Variants in LINGO2 observed in about 807,000 individuals in gnomAD.
LINGO2 encodes leucine rich repeat and Ig domain containing 2, also known as leucine-rich repeat and immunoglobulin-like domain-containing nogo receptor-interacting protein 2.
A neutral mutation model predicts 30.6 loss-of-function variants in LINGO2; 14 were observed. The ratio of observed to expected loss-of-function variants is 0.46; its 90% CI spans 0.30 to 0.72. The LOEUF is 0.72. LINGO2 is among the 30% of genes least tolerant of loss of function. The probability of loss-of-function intolerance (pLI) is 0.07; values close to 1 mark genes in which losing one functional copy is unlikely to be tolerated. For synonymous variants in LINGO2, 317 were observed against 288.5 expected, an observed-to-expected ratio of 1.10 and a Z score of -1.00; for missense variants, 729 against 751.7, an observed-to-expected ratio of 0.97 and a Z score of 0.35.
chr9:28,974,107 T>A, the LINGO2 span, among the ~76,000 whole-genome samples: 1 of 152,116 alleles, frequency 6.6e-6, no homozygotes, highest in Non-Finnish European at 1.5e-5. Flanking sequence ...ATATAGGCAG[T>A]ACAACAATAT....
At chr9:28,677,986 T>C in the LINGO2 span, among the ~76,000 whole-genome samples, 1 of 151,894 alleles carries the variant, frequency 6.6e-6, no homozygotes, top group Admixed American at 6.6e-5. Context: ...TCCAAGCTGT[T>C]ACCTTTCTCC....
rs75405570 is a variant in LINGO2 at position 28,380,957 on chromosome 9, C to T, written c.-278-8089G>A. ...GGCTGGGTATAACTACGGGCTTGCC[C>T]TTGAGTATGTATTTCTTTCTCAGGT... is the stretch of plus-strand genomic sequence containing the variant. On this transcript the variant is annotated intron_variant, in intron 2 of 5. Transcript: ENST00000379992. Among the ~76,000 whole-genome samples, 3 of 152,112 alleles carry T rather than the reference C, an allele frequency of 2.0e-5. No homozygotes were observed. In the East Asian group the frequency reaches 5.8e-4, roughly 30 times the overall value.
rs115405813 is a variant in LINGO2 at position 28,619,160 on chromosome 9, G to A, written c.-365+51040C>T. ...ATATAGGGGTTTTATATGGGCTAGT[G>A]AATGAATTATTGAATGAATGATGTT... On this transcript the variant is annotated intron_variant, in intron 1 of 5. Coordinates refer to ENST00000379992, the Ensembl canonical transcript of LINGO2. Among the ~76,000 whole-genome samples, 879 of 152,224 alleles carry A rather than the reference G, an allele frequency of 5.8e-3. 8 individuals are homozygous for A. The highest frequency in any genetic ancestry group is 0.016 in the African/African-American group (655 of 41,564).
intron 5 of LINGO2, among the ~76,000 whole-genome samples, chr9:28,012,120 C>T (rs1056071172): frequency 2.6e-5 from 4 of 152,150 alleles, no homozygotes; most frequent in African/African-American, 9.7e-5. Flanking sequence ...TAAAAGGAAA[C>T]AAGTCTCCTC....
chr9:29,098,455 A>ACACACACACATATGCG, the LINGO2 span, among the ~76,000 whole-genome samples: 2 of 150,474 alleles, frequency 1.3e-5, no homozygotes, highest in African/African-American at 4.9e-5. Context: ...GGATACACAC[A>ACACACACACATATGCG]CACACACACA....
At chr9:29,065,794 C>G in the LINGO2 span, among the ~76,000 whole-genome samples, 1 of 151,686 alleles carries the variant, frequency 6.6e-6, no homozygotes, top group African/African-American at 2.4e-5. Flanking sequence ...CGGAAATTCC[C>G]TTGAAAGAAA....
chr9:28,763,948 T>A, the LINGO2 span, among the ~76,000 whole-genome samples: 1 of 151,490 alleles, frequency 6.6e-6, no homozygotes, highest in Non-Finnish European at 1.5e-5. Flanking sequence ...CCTAGAAACA[T>A]AACCTGCTGA....
chr9:28,205,396 T>C (rs188326013), intron 4 of LINGO2, among the ~76,000 whole-genome samples: 14 of 152,298 alleles, frequency 9.2e-5, no homozygotes, highest in Admixed American at 9.2e-4. Context: ...TTCCCAGAGA[T>C]GCCTTCCCCG....
upstream of LINGO2, chr9:28,670,419 G>C (rs1339484008): frequency 1.3e-5 from 2 of 151,974 alleles, no homozygotes; most frequent in Non-Finnish European, 2.9e-5. Context: ...TGTTATAATA[G>C]CTTTTGTTAA....
At chr9:29,184,810 C>T in the LINGO2 span, among the ~76,000 whole-genome samples, 81 of 151,432 alleles carry the variant, frequency 5.3e-4, no homozygotes, top group African/African-American at 1.8e-3. Flanking sequence ...AATTACCTTA[C>T]ACTTAAGCCC....
chr9:28,995,108 G>T, the LINGO2 span, among the ~76,000 whole-genome samples: 137 of 151,966 alleles, frequency 9.0e-4, no homozygotes, highest in Non-Finnish European at 1.5e-3. Flanking sequence ...GAAAATTTTG[G>T]CAACCTACTC....
chr9:28,039,765 T>C (rs1009412858), intron 4 of LINGO2, among the ~76,000 whole-genome samples: 8 of 152,154 alleles, frequency 5.3e-5, no homozygotes, highest in African/African-American at 1.9e-4. Context: ...TTAAATAGTC[T>C]CCCAATTAAA....
the LINGO2 span, among the ~76,000 whole-genome samples, chr9:28,898,449 C>T: frequency 6.6e-6 from 1 of 152,122 alleles, no homozygotes; most frequent in Non-Finnish European, 1.5e-5. Context: ...AATGAAGAAA[C>T]CCACAAAACT....
the LINGO2 span, among the ~76,000 whole-genome samples, chr9:28,797,359 T>TAGAGAGAGAGAGAGAGAGAGAGAG: frequency 8.8e-5 from 3 of 34,212 alleles, no homozygotes; most frequent in East Asian, 1.6e-3. Flanking sequence ...TATATATATA[T>TAGAGAGAGAGAGAGAGAGAGAGAG]AGAGAGAGAG....
upstream of LINGO2, among the ~76,000 whole-genome samples, chr9:28,673,767 G>A (rs957874689): frequency 1.3e-5 from 2 of 152,038 alleles, no homozygotes; most frequent in Admixed American, 6.6e-5. Context: ...ATTGGTAGAT[G>A]TAGCTCAACT....
chr9:29,188,105 A>T, the LINGO2 span, among the ~76,000 whole-genome samples: 1 of 146,320 alleles, frequency 6.8e-6, no homozygotes, highest in East Asian at 2.0e-4. Context: ...AGTGGAGGGA[A>T]GGTCAGCAGA....
At chr9:28,416,428 C>G (rs1394753484) in intron 2 of LINGO2, among the ~76,000 whole-genome samples, 1 of 152,072 alleles carries the variant, frequency 6.6e-6, no homozygotes, top group East Asian at 1.9e-4. Context: ...TTTTGAACAT[C>G]CACAATTTAC....
the LINGO2 span, among the ~76,000 whole-genome samples, chr9:29,185,190 C>T: frequency 6.6e-6 from 1 of 152,022 alleles, no homozygotes; most frequent in South Asian, 2.1e-4. Context: ...CCAGGCATGT[C>T]TTGATGGTGG....
At chr9:28,716,321 A>G in the LINGO2 span, among the ~76,000 whole-genome samples, 1 of 152,034 alleles carries the variant, frequency 6.6e-6, no homozygotes, top group Non-Finnish European at 1.5e-5. Context: ...TTAAGCAGAA[A>G]GAGGGATGGA....
Sources: allele counts gnomAD v4.1 joint callset (sites outside exome capture counted in the v4.1 genomes callset), GRCh38; gene constraint gnomAD v4.1.1; transcripts MANE v1.5; gene names NCBI Gene and HGNC (gene_info 2026-07-23, HGNC 2026-07-21).